SHISA9: variants seen among roughly 807,000 people sequenced by gnomAD.
The protein encoded by SHISA9 is shisa family member 9.
In SHISA9, 13 loss-of-function variants were observed where a neutral mutation model predicts 38.0. The observed-to-expected ratio is 0.34, with a 90% CI of 0.22 to 0.54. The LOEUF (loss-of-function observed/expected upper bound fraction) is 0.54, where lower values mean the gene tolerates loss of function less well. Among genes scored for constraint, SHISA9 ranks in the 20% least tolerant of loss-of-function variants. The pLI is 0.91. For missense variants in SHISA9, 538 were observed against 575.8 expected, an observed-to-expected ratio of 0.93 and a Z score of 0.67; for synonymous variants, 275 against 242.0, an observed-to-expected ratio of 1.14 and a Z score of -1.27.
chr16:12,986,201 G>A (rs963464994), intron 2 of SHISA9, among the ~76,000 whole-genome samples: 1 of 152,168 alleles, frequency 6.6e-6, no homozygotes, highest in South Asian at 2.1e-4. Flanking sequence ...TAGCCGGTAT[G>A]TACAAGTATT....
At chr16:13,132,169 G>T (rs2050311852) in intron 2 of SHISA9, among the ~76,000 whole-genome samples, 1 of 152,148 alleles carries the variant, frequency 6.6e-6, no homozygotes, top group African/African-American at 2.4e-5. Context: ...AGACAATCGA[G>T]GTGTGAATAG....
At chr16:13,443,237 A>C in the SHISA9 span, among the ~76,000 whole-genome samples, 1 of 152,226 alleles carries the variant, frequency 6.6e-6, no homozygotes, top group Non-Finnish European at 1.5e-5. Flanking sequence ...TGATGGTTCA[A>C]TGTGACTTGG....
At chr16:13,102,580 A>G (rs2073889300) in intron 2 of SHISA9, among the ~76,000 whole-genome samples, 1 of 152,154 alleles carries the variant, frequency 6.6e-6, no homozygotes, top group African/African-American at 2.4e-5. Flanking sequence ...ATCACACAGC[A>G]AAGTCAGGGT....
At chr16:13,375,789 C>G in the SHISA9 span, among the ~76,000 whole-genome samples, 1 of 152,210 alleles carries the variant, frequency 6.6e-6, no homozygotes, top group Non-Finnish European at 1.5e-5. Flanking sequence ...AAGTGGAAAG[C>G]TATCCTGTAT....
intron 4 of SHISA9, among the ~76,000 whole-genome samples, chr16:13,216,405 C>T (rs1276891384): frequency 2.0e-5 from 3 of 152,140 alleles, no homozygotes; most frequent in Non-Finnish European, 4.4e-5. Context: ...TAGTACCTGG[C>T]ATATGGAAAG....
intron 2 of SHISA9, among the ~76,000 whole-genome samples, chr16:13,188,617 T>C (rs1333420359): frequency 6.7e-6 from 1 of 148,278 alleles, no homozygotes; most frequent in Non-Finnish European, 1.5e-5. Flanking sequence ...CTCAGGAGGC[T>C]GAGGTGGGAG....
At chr16:13,206,498 A>G (rs1487405316) in intron 3 of SHISA9, among the ~76,000 whole-genome samples, 1 of 152,200 alleles carries the variant, frequency 6.6e-6, no homozygotes, top group Non-Finnish European at 1.5e-5. Context: ...CACACATCAG[A>G]TTCACAAAAC....
the SHISA9 span, among the ~76,000 whole-genome samples, chr16:13,426,543 G>C: frequency 6.6e-6 from 1 of 152,152 alleles, no homozygotes; most frequent in South Asian, 2.1e-4. Context: ...GCGCCACAGA[G>C]AATCTTGACA....
the SHISA9 span, among the ~76,000 whole-genome samples, chr16:13,486,128 G>A: frequency 1.3e-5 from 2 of 152,210 alleles, no homozygotes; most frequent in African/African-American, 4.8e-5. Flanking sequence ...GATGGTTCAT[G>A]GATGGGCATC....
At chr16:13,184,464 T>G (rs1203673466) in intron 2 of SHISA9, among the ~76,000 whole-genome samples, 1 of 152,238 alleles carries the variant, frequency 6.6e-6, no homozygotes, top group Non-Finnish European at 1.5e-5. Flanking sequence ...TTTAAAAACT[T>G]TTTAAATTTA....
the SHISA9 span, among the ~76,000 whole-genome samples, chr16:13,275,883 C>T: frequency 6.6e-6 from 1 of 151,780 alleles, no homozygotes; most frequent in African/African-American, 2.4e-5. Context: ...ACTAGGTCTT[C>T]ATCAATTCTG....
In SHISA9 at chr16:13,211,122, C is replaced by T. The variant is rs565979605; in HGVS notation, c.848-2131C>T. On this transcript the variant is annotated intron_variant, in intron 3 of 4. Coordinates refer to ENST00000558583, the MANE Select transcript of SHISA9 (RefSeq NM_001145204.3). Reference sequence around the variant, plus strand: ...GACCAGCCTGGCCAACGTGGTGAAACCCCATCTCTACTAAAAATACAAAAA... The same window carrying T: ...GACCAGCCTGGCCAACGTGGTGAAATCCCATCTCTACTAAAAATACAAAAA... Among the ~76,000 whole-genome samples, 327 of 152,106 alleles carry T rather than the reference C, an allele frequency of 2.1e-3. 2 individuals are homozygous for T. The highest frequency in any genetic ancestry group is 7.3e-3 in the African/African-American group (304 of 41,480).
chr16:13,449,477 A>C, the SHISA9 span, among the ~76,000 whole-genome samples: 5 of 152,330 alleles, frequency 3.3e-5, no homozygotes, highest in African/African-American at 1.2e-4. Flanking sequence ...GGAAAGGAGC[A>C]TGAGGGAACT....
At chr16:13,121,922 C>T (rs1379746375) in intron 2 of SHISA9, among the ~76,000 whole-genome samples, 5 of 151,822 alleles carry the variant, frequency 3.3e-5, no homozygotes, top group Non-Finnish European at 7.4e-5. Context: ...GCATTCTTCC[C>T]TCTCAGCCTG....
intron 2 of SHISA9, among the ~76,000 whole-genome samples, chr16:13,041,866 T>C (rs2073135599): frequency 6.6e-6 from 1 of 152,210 alleles, no homozygotes; most frequent in African/African-American, 2.4e-5. Flanking sequence ...CCCTGGGGAT[T>C]CTGATGTAGC....
chr16:13,182,377 C>G (rs2050785778), intron 2 of SHISA9, among the ~76,000 whole-genome samples: 1 of 152,184 alleles, frequency 6.6e-6, no homozygotes, highest in Admixed American at 6.5e-5. Flanking sequence ...GAAAGAAGAA[C>G]CTTTCCTTTC....
intron 2 of SHISA9, among the ~76,000 whole-genome samples, chr16:13,140,728 T>C (rs2050394992): frequency 1.3e-5 from 2 of 152,150 alleles, no homozygotes; most frequent in Non-Finnish European, 2.9e-5. Flanking sequence ...GATAGGAACA[T>C]GTGGACAGCA....
At chr16:13,156,582 A>G (rs1356726869) in intron 2 of SHISA9, among the ~76,000 whole-genome samples, 1 of 151,916 alleles carries the variant, frequency 6.6e-6, no homozygotes, top group Non-Finnish European at 1.5e-5. Context: ...ACAATACAAA[A>G]AATTAGGCAG....
intron 2 of SHISA9, among the ~76,000 whole-genome samples, chr16:13,043,400 T>C (rs1028703093): frequency 6.6e-6 from 1 of 152,232 alleles, no homozygotes; most frequent in Non-Finnish European, 1.5e-5. Flanking sequence ...AACAGCTAGC[T>C]ACTTCCCACC....
Sources: allele counts gnomAD v4.1 joint callset (sites outside exome capture counted in the v4.1 genomes callset), GRCh38; gene constraint gnomAD v4.1.1; transcripts MANE v1.5; gene names NCBI Gene and HGNC (gene_info 2026-07-23, HGNC 2026-07-21).